NAALADL2: variants seen among roughly 807,000 people sequenced by gnomAD.
NAALADL2 encodes the protein inactive N-acetylated-alpha-linked acidic dipeptidase-like protein 2.
In NAALADL2, 76 loss-of-function variants were observed where a neutral mutation model predicts 87.2. The observed-to-expected ratio is 0.87, with a 90% confidence interval of 0.72 to 1.05. The LOEUF is 1.05. Among genes scored for constraint, NAALADL2 ranks in the 50% least tolerant of loss-of-function variants. The pLI, the probability that NAALADL2 is intolerant of heterozygous loss-of-function variation, is 0.00. For synonymous variants in NAALADL2, 354 were observed against 331.0 expected (o/e 1.07, Z -0.75); for missense variants, 1,089 against 945.8 (o/e 1.15, Z -1.99).
intron 4 of NAALADL2, among the ~76,000 whole-genome samples, chr3:175,299,815 A>G (rs151335651): frequency 0.013 from 2,026 of 152,290 alleles, 50 homozygotes; most frequent in African/African-American, 0.046. Flanking sequence ...CAGAACTTCC[A>G]ATACTATGTT....
chr3:175,598,740 G>A (rs185338754), intron 10 of NAALADL2, among the ~76,000 whole-genome samples: 14 of 152,180 alleles, frequency 9.2e-5, no homozygotes, highest in African/African-American at 2.9e-4. Flanking sequence ...AGCCTTTTCC[G>A]TGTATTTACC....
chr3:175,399,692 G>A (rs1439708558), intron 5 of NAALADL2, among the ~76,000 whole-genome samples: 1 of 152,002 alleles, frequency 6.6e-6, no homozygotes, highest in African/African-American at 2.4e-5. Context: ...TTGTCAGCAA[G>A]GTCTTTATGA....
intron 2 of NAALADL2, among the ~76,000 whole-genome samples, chr3:174,635,265 G>C (rs1933734613): frequency 6.6e-6 from 1 of 152,090 alleles, no homozygotes; most frequent in African/African-American, 2.4e-5. Context: ...AACCTAAGTG[G>C]CTAATTTTAG....
chr3:175,041,794 T>C (rs1021650857), intron 1 of NAALADL2, among the ~76,000 whole-genome samples: 7 of 152,150 alleles, frequency 4.6e-5, no homozygotes, highest in African/African-American at 1.7e-4. Context: ...TTTATTGAGG[T>C]CTAATTGACA....
intron 3 of NAALADL2, among the ~76,000 whole-genome samples, chr3:174,827,699 G>A (rs578148579): frequency 2.8e-4 from 43 of 152,284 alleles, no homozygotes; most frequent in East Asian, 5.8e-4. Context: ...TTTAGGAGTC[G>A]TTATACAGCC....
At chr3:175,196,069 C>A (rs147191624) in intron 2 of NAALADL2, among the ~76,000 whole-genome samples, 15 of 151,904 alleles carry the variant, frequency 9.9e-5, no homozygotes, top group African/African-American at 3.1e-4. Context: ...AAAGATTGTC[C>A]CTTACTGGCA....
At chr3:175,003,636 GA>G (rs1005116335) in intron 1 of NAALADL2, among the ~76,000 whole-genome samples, 16 of 151,822 alleles carry the variant, frequency 1.1e-4, no homozygotes, top group African/African-American at 3.4e-4. Flanking sequence ...CATTACATAT[GA>G]AAAAAAATAT....
chr3:174,569,373 A>G (rs1560062322), intron 2 of NAALADL2, among the ~76,000 whole-genome samples: 1 of 152,064 alleles, frequency 6.6e-6, no homozygotes, highest in Non-Finnish European at 1.5e-5. Flanking sequence ...TTAAAGATTA[A>G]TTTTCATATG....
intron 3 of NAALADL2, among the ~76,000 whole-genome samples, chr3:174,773,926 A>G (rs1034443709): frequency 3.3e-5 from 5 of 152,118 alleles, no homozygotes; most frequent in Admixed American, 2.6e-4. Context: ...TTAACTTTGT[A>G]AATTTGAAAT....
intron 2 of NAALADL2, among the ~76,000 whole-genome samples, chr3:174,699,757 G>T (rs1729375841): frequency 6.6e-6 from 1 of 150,556 alleles, no homozygotes; most frequent in African/African-American, 2.4e-5. Flanking sequence ...TCGTTTTTGT[G>T]GTGTTTCTAA....
chr3:174,475,492 G>A (rs1254263963), intron 1 of NAALADL2, among the ~76,000 whole-genome samples: 1 of 151,554 alleles, frequency 6.6e-6, no homozygotes, highest in African/African-American at 2.4e-5. Flanking sequence ...ATATTCATAG[G>A]AACTAAAGTT....
At chr3:175,763,740 C>T (rs1008336088) in intron 13 of NAALADL2, among the ~76,000 whole-genome samples, 1 of 152,150 alleles carries the variant, frequency 6.6e-6, no homozygotes, top group East Asian at 1.9e-4. Context: ...TAAGAGGGCA[C>T]ATCTCCATAA....
intron 2 of NAALADL2, among the ~76,000 whole-genome samples, chr3:174,724,370 A>G (rs530411981): frequency 6.6e-6 from 1 of 152,278 alleles, no homozygotes; most frequent in Admixed American, 6.5e-5. Context: ...ATGTTAAATA[A>G]TTGGGTAATT....
At position 174,526,276 on chromosome 3, in the gene NAALADL2, T is replaced by A. The variant is rs1015811258; in HGVS notation, c.-183-24293T>A. Among the ~76,000 whole-genome samples, 4 of 152,166 alleles carry A rather than the reference T, an allele frequency of 2.6e-5. No homozygotes were observed. The South Asian group carries it at 8.3e-4, about 32-fold the overall frequency. Reference sequence around the variant, plus strand: ...AATTCAGTGGACTAGCATTTCTGTGTAAACAGTCATGGCTTTGGCCTCATT... The same window carrying A: ...AATTCAGTGGACTAGCATTTCTGTGAAAACAGTCATGGCTTTGGCCTCATT... On this transcript the variant is annotated intron_variant, in intron 1 of 3. Transcript: ENST00000434257.
chr3:174,843,894 T>A (rs1724299050), intron 3 of NAALADL2, among the ~76,000 whole-genome samples: 1 of 152,194 alleles, frequency 6.6e-6, no homozygotes, highest in South Asian at 2.1e-4. Context: ...GTTTTTGAGT[T>A]GTTTAAAGTG....
intron 11 of NAALADL2, among the ~76,000 whole-genome samples, chr3:175,663,119 G>C (rs1324422396): frequency 6.6e-6 from 1 of 151,746 alleles, no homozygotes; most frequent in Non-Finnish European, 1.5e-5. Context: ...GAATTCAGCA[G>C]TGTATACATT....
chr3:174,606,283 G>A (rs965994251), intron 2 of NAALADL2, among the ~76,000 whole-genome samples: 16 of 152,226 alleles, frequency 1.1e-4, no homozygotes, highest in African/African-American at 2.2e-4. Context: ...GCAAAGGAAC[G>A]CAGTTCCTCA....
At chr3:174,448,800 A>G (rs1287181108) in intron 1 of NAALADL2, among the ~76,000 whole-genome samples, 4 of 152,188 alleles carry the variant, frequency 2.6e-5, no homozygotes, top group African/African-American at 7.2e-5. Context: ...CCGTTCAGGC[A>G]ATCATGATGA....
chr3:175,723,455 T>C (rs1444915351), intron 11 of NAALADL2, among the ~76,000 whole-genome samples: 1 of 152,134 alleles, frequency 6.6e-6, no homozygotes, highest in African/African-American at 2.4e-5. Context: ...ATTTAGATAT[T>C]ATACTTTTTG....
Sources: gnomAD v4.1 joint callset for allele counts (sites outside exome capture counted in the v4.1 genomes callset) on GRCh38, gnomAD v4.1.1 for gene constraint, MANE v1.5 for transcripts, NCBI Gene and HGNC (gene_info 2026-07-23, HGNC 2026-07-21) for gene names.